Variants in NEFH observed in about 807,000 individuals in gnomAD.
The protein encoded by NEFH is neurofilament heavy chain.
Under a neutral mutation model 56.6 loss-of-function variants are expected in NEFH, and 58 were observed. The ratio of observed to expected loss-of-function variants is 1.03; its 90% CI spans 0.83 to 1.28. The LOEUF (loss-of-function observed/expected upper bound fraction) is 1.28. NEFH is among the 50% of genes most tolerant of loss of function. NEFH has a pLI of 0.00. For missense variants in NEFH, 1,221 were observed against 1,307.6 expected (o/e 0.93, Z 1.02); for synonymous variants, 542 against 545.8 (o/e 0.99, Z 0.10).
Position 29,489,986 on chromosome 22 carries a change from T to A in NEFH, c.2346T>A (p.Pro782=). 6.2e-7 allele frequency: 1 copy of A among 1,612,782 alleles called. No individual in the cohort carries two copies. Among genetic ancestry groups the A allele is most frequent in the South Asian group, 1.1e-5 (1 of 91,004 alleles). ...EEARSPADKF[P]EKAKSPVKEE... ...CAAGGTCCCCTGCAGACAAATTCCC[T>A]GAAAAGGCCAAAAGCCCTGTCAAGG... Residue 782 remains proline, a synonymous_variant, in exon 4 of 4, where the codon CCT becomes CCA. Transcript: ENST00000310624.
Position 29,489,153 on chromosome 22 carries a change from C to T in NEFH, c.1513C>T (p.Pro505Ser). The T allele has an allele frequency of 6.2e-7, 1 of 1,613,696 alleles. No individual in the cohort carries two copies. The highest frequency in any genetic ancestry group is 8.5e-7 in the Non-Finnish European group (1 of 1,179,884). The change falls in exon 4 of 4, where the codon CCA becomes TCA. Residue 505 changes from proline to serine, a missense_variant. Transcript: ENST00000310624. ...EGGEEETKSP[P>S]AEEAASPEKE... ...GGGAGAAGAAGAAACAAAGTCTCCC[C>T]CAGCAGAAGAGGCTGCATCCCCAGA... is the stretch of plus-strand genomic sequence containing the variant.
Position 29,480,560 on chromosome 22 carries a change from C to A in NEFH, c.298C>A (p.Gln100Lys). ...AVATSRSEKEQLQALNDRFAG... is the reference protein window; with the variant it reads ...AVATSRSEKEKLQALNDRFAG... Reference sequence around the variant, plus strand: ...GGCCACCTCACGCAGTGAGAAGGAGCAGCTGCAGGCGCTGAACGACCGCTT... The same window carrying A: ...GGCCACCTCACGCAGTGAGAAGGAGAAGCTGCAGGCGCTGAACGACCGCTT... Residue 100 changes from glutamine to lysine, a missense_variant, in exon 1 of 4, where the codon CAG becomes AAG. Around this residue, in one of 4 missense-constraint regions of NEFH, gnomAD observed 640 missense variants for 555.5 expected, o/e 1.15. Coordinates refer to ENST00000310624, the MANE Select transcript of NEFH (RefSeq NM_021076.4). The A allele has an allele frequency of 6.5e-7, 1 of 1,542,830 alleles. No individual in the cohort carries two copies. The highest frequency in any genetic ancestry group is 8.7e-7 in the Non-Finnish European group (1 of 1,151,404).
Position 29,480,893 on chromosome 22 carries a change from G to A in NEFH, c.631G>A (p.Ala211Thr). ...GGCGCGCTTCGCGCAGGAGGCCGAG[G>A]CGGCGCGCGTGGACCTGCAGAAGAA... ...ALARFAQEAE[A>T]ARVDLQKKAQ... is the part of the protein sequence containing the mutation. The change falls in exon 1 of 4, where the codon GCG (alanine) becomes ACG (threonine). Residue 211 changes from alanine to threonine, a missense_variant. Physicochemically the swap from Ala to Thr is moderately conservative, Grantham distance 58. Around this residue, in one of 4 missense-constraint regions of NEFH, gnomAD observed 640 missense variants for 555.5 expected, o/e 1.15. Coordinates refer to ENST00000310624, the MANE Select transcript of NEFH (RefSeq NM_021076.4). 6.9e-7 allele frequency: 1 copy of A among 1,459,388 alleles called. No individual in the cohort carries two copies. The highest frequency in any genetic ancestry group is 8.9e-7 in the Non-Finnish European group (1 of 1,117,372). 90.4% of individuals were successfully genotyped at this position (1,459,388 alleles called of 1,614,324 possible).
intron 3 of NEFH, among the ~76,000 whole-genome samples, chr22:29,486,500 T>A (rs752352485): frequency 9.2e-4 from 140 of 151,542 alleles, no homozygotes; most frequent in Middle Eastern, 3.5e-3. Context: ...GCCACTCTTT[T>A]ACTCTGAGAG....
rs748726958 is a variant in NEFH at position 29,483,564 on chromosome 22, C to T, written c.1073C>T (p.Ala358Val). Residue 358 changes from alanine (A) to valine (V), a missense_variant, in exon 2 of 4, where the codon GCC becomes GTC. By Grantham distance (64) the Ala-to-Val change is moderately conservative. This residue lies in a region of NEFH where 640 missense variants were observed against 555.5 expected (regional missense o/e 1.15). Transcript: ENST00000310624. ...GAGGACCGTCATCAGGCCGACATTG[C>T]CTCCTACCAGGTGGGCAGGGGCAAG... Reference protein sequence around the residue: ...ELEDRHQADIASYQEAIQQLD... With the variant: ...ELEDRHQADIVSYQEAIQQLD... The T allele has an allele frequency of 2.5e-6, 4 of 1,613,548 alleles. No homozygotes were observed. The highest frequency in any genetic ancestry group is 3.4e-6 in the Non-Finnish European group (4 of 1,180,000).
At chr22:29,482,869 T>C (rs989569646) in intron 1 of NEFH, among the ~76,000 whole-genome samples, 1 of 152,204 alleles carries the variant, frequency 6.6e-6, no homozygotes, top group African/African-American at 2.4e-5. Context: ...TGCCACTCAC[T>C]AGCTGGGTGG....
intron 1 of NEFH, 83 bp from the exon 2 acceptor site, chr22:29,483,288 AAAAG>A (rs1434736200): frequency 4.7e-5 from 62 of 1,312,340 alleles, no homozygotes; most frequent in Admixed American, 1.3e-4. Context: ...AAAAAAAAAA[AAAAG>A]AAAAAGAACA....
chr22:29,490,658 G>A lies in NEFH; in HGVS notation c.3018G>A (p.Lys1006=), dbSNP rs373324564. ...KSSSTDQKDS[K]PPEKATEDKA... is the part of the protein sequence containing the mutation. ...CCAGCACAGACCAAAAAGACAGCAA[G>A]CCTCCAGAGAAGGCCACAGAAGACA... Residue 1006 remains lysine, a synonymous_variant, in exon 4 of 4, where the codon AAG becomes AAA. Transcript: ENST00000310624. The A allele has an allele frequency of 6.2e-6, 10 of 1,613,996 alleles. No individual in the cohort carries two copies. The highest frequency in any genetic ancestry group is 8.5e-6 in the Non-Finnish European group (10 of 1,180,040).
chr22:29,491,121 TTC>T lies in NEFH; in HGVS notation c.*420_*421del, dbSNP rs1490643558. On this transcript the variant is annotated 3_prime_UTR_variant, in exon 4 of 4. Coordinates refer to ENST00000310624, the MANE Select transcript of NEFH (RefSeq NM_021076.4). ...ATGTCTTAACCTATTCCCAAATGCC[TTC>T]TGTTTTCCAAAGGAGTGGTCAAGCC... 7 of 332,644 alleles carry T rather than the reference TTC, an allele frequency of 2.1e-5. No homozygotes were observed. The highest frequency in any genetic ancestry group is 3.5e-5 in the Non-Finnish European group (6 of 172,768). 20.6% of individuals were successfully genotyped at this position (332,644 alleles called of 1,614,324 possible).
chr22:29,480,652 G>C lies in NEFH; in HGVS notation c.390G>C (p.Ala130=). 1.3e-6 allele frequency: 2 copies of C among 1,556,452 alleles called. No homozygotes were observed. The highest frequency in any genetic ancestry group is 1.7e-6 in the Non-Finnish European group (2 of 1,160,272). ...ACCGCAGCCTGGAGGGCGAGGCTGCGGCGCTGCGGCAGCAGCAGGCGGGCC... is the reference window on the plus strand; with the variant it reads ...ACCGCAGCCTGGAGGGCGAGGCTGCCGCGCTGCGGCAGCAGCAGGCGGGCC... ...AHNRSLEGEA[A]ALRQQQAGRS... The change falls in exon 1 of 4, where the codon GCG becomes GCC. Residue 130 remains alanine, a synonymous_variant. Coordinates refer to ENST00000310624, the MANE Select transcript of NEFH (RefSeq NM_021076.4).
rs768408953 is a variant in NEFH at position 29,489,009 on chromosome 22, G to T, written c.1369G>T (p.Val457Leu). ...VEKSEKETVIVEEQTEETQVT... is the reference protein window; with the variant it reads ...VEKSEKETVILEEQTEETQVT... Reference sequence around the variant, plus strand: ...GAAGTCTGAGAAAGAAACTGTGATTGTGGAGGAACAGACAGAGGAGACCCA... The same window carrying T: ...GAAGTCTGAGAAAGAAACTGTGATTTTGGAGGAACAGACAGAGGAGACCCA... The change falls in exon 4 of 4, where the codon GTG becomes TTG. Residue 457 changes from valine to leucine, a missense_variant. By Grantham distance (32) the Val-to-Leu change is conservative. This residue lies in a region of NEFH where 243 missense variants were observed against 299.1 expected (regional missense o/e 0.81). Coordinates refer to ENST00000310624, the MANE Select transcript of NEFH (RefSeq NM_021076.4). 1 of 1,614,232 alleles carries T rather than the reference G, an allele frequency of 6.2e-7. No homozygotes were observed. Among genetic ancestry groups the T allele is most frequent in the Admixed American group, 1.7e-5 (1 of 60,028 alleles).
rs1336235367 is a variant in NEFH, at chr22:29,483,423, T to C, written c.932T>C (p.Met311Thr). The C allele has an allele frequency of 4.2e-5, 67 of 1,613,830 alleles. No individual in the cohort carries two copies. The highest frequency in any genetic ancestry group is 5.5e-5 in the Non-Finnish European group (65 of 1,180,046). Residue 311 changes from methionine (M) to threonine (T), a missense_variant, in exon 2 of 4, where the codon ATG becomes ACG. Met to Thr is a moderately conservative substitution (Grantham distance 81). This residue lies in a region of NEFH where 640 missense variants were observed against 555.5 expected (regional missense o/e 1.15). Transcript: ENST00000310624. ...SEAAKVNTDA[M>T]RSAQEEITEY... is the part of the protein sequence containing the mutation. Reference sequence around the variant, plus strand: ...GCAGCCAAGGTGAACACAGACGCTATGCGCTCAGCGCAGGAGGAGATAACT... The same window carrying C: ...GCAGCCAAGGTGAACACAGACGCTACGCGCTCAGCGCAGGAGGAGATAACT...
chr22:29,480,582 G>T lies in NEFH; in HGVS notation c.320G>T (p.Arg107Leu). The T allele has an allele frequency of 6.4e-7, 1 of 1,555,222 alleles. No homozygotes were observed. The highest frequency in any genetic ancestry group is 2.3e-5 in the East Asian group (1 of 42,740). Residue 107 changes from arginine (R) to leucine (L), a missense_variant, in exon 1 of 4, where the codon CGC becomes CTC. By Grantham distance (102) the Arg-to-Leu change is moderately radical. Transcript: ENST00000310624. ...GAGCAGCTGCAGGCGCTGAACGACC[G>T]CTTCGCCGGGTACATCGACAAGGTG... is the stretch of plus-strand genomic sequence containing the variant. ...EKEQLQALNDRFAGYIDKVRQ... is the reference protein window; with the variant it reads ...EKEQLQALNDLFAGYIDKVRQ...
At chr22:29,481,239 G>C in intron 1 of NEFH, 94 bp downstream of exon 1, 8 of 1,229,320 alleles carry the variant, frequency 6.5e-6, no homozygotes, top group African/African-American at 1.5e-5. Context: ...GCCGGACTGC[G>C]CGTGGAGTGG....
rs767241165 is a variant in NEFH at position 29,489,951 on chromosome 22, A to G, written c.2311A>G (p.Lys771Glu). The change falls in exon 4 of 4, where the codon AAG becomes GAG. Residue 771 changes from lysine (K) to glutamate (E), a missense_variant. This residue lies in a region of NEFH where 301 missense variants were observed against 346.6 expected (regional missense o/e 0.87). Coordinates refer to ENST00000310624, the MANE Select transcript of NEFH (RefSeq NM_021076.4). The stretch of plus-strand genomic sequence containing the variant: ...GTCTCCAGAAGCCAAGACTCCAGCG[A>G]AGGAGGAAGCAAGGTCCCCTGCAGA... ...VKSPEAKTPAKEEARSPADKF... is the reference protein window; with the variant it reads ...VKSPEAKTPAEEEARSPADKF... 18 of 1,613,900 alleles carry G rather than the reference A, an allele frequency of 1.1e-5. No individual in the cohort carries two copies. Among genetic ancestry groups the G allele is most frequent in the Non-Finnish European group, 1.4e-5 (17 of 1,179,992 alleles).
rs1345244309 is a variant in NEFH at position 29,491,194 on chromosome 22, G to A, written c.*491G>A. On this transcript the variant is annotated 3_prime_UTR_variant, in exon 4 of 4. Coordinates refer to ENST00000310624, the MANE Select transcript of NEFH (RefSeq NM_021076.4). ...CTGGAAGAGCGGTCCAGGTGGGGCC[G>A]GGGACTGGCCACTGAATTATGCCAG... 2.0e-5 allele frequency: 5 copies of A among 244,536 alleles called. No individual in the cohort carries two copies. Among genetic ancestry groups the A allele is most frequent in the Admixed American group, 1.0e-4 (2 of 19,268 alleles). 15.1% of individuals were successfully genotyped at this position (244,536 alleles called of 1,614,324 possible).
chr22:29,482,472 G>C (rs1488699746), intron 1 of NEFH, among the ~76,000 whole-genome samples: 1 of 152,240 alleles, frequency 6.6e-6, no homozygotes, highest in Non-Finnish European at 1.5e-5. Context: ...CCGGGGTGTG[G>C]CTACCAATGC....
rs776452861 is a variant in NEFH, at chr22:29,489,190, A to C, written c.1550A>C (p.Lys517Thr). Reference sequence around the variant, plus strand: ...GCTGCATCCCCAGAGAAGGAAGCCAAGTCACCAGTAAAGGAAGAGGCAAAG... The same window carrying C: ...GCTGCATCCCCAGAGAAGGAAGCCACGTCACCAGTAAAGGAAGAGGCAAAG... ...EEAASPEKEA[K>T]SPVKEEAKSP... The change falls in exon 4 of 4, where the codon AAG becomes ACG. Residue 517 changes from lysine to threonine, a missense_variant. Lys to Thr is a moderately conservative substitution (Grantham distance 78). Coordinates refer to ENST00000310624, the MANE Select transcript of NEFH (RefSeq NM_021076.4). The C allele has an allele frequency of 1.9e-6, 3 of 1,614,144 alleles. No individual in the cohort carries two copies. The Admixed American group carries it at 5.0e-5, about 27-fold the overall frequency.
intron 2 of NEFH, among the ~76,000 whole-genome samples, chr22:29,484,814 AG>A (rs1350703762): frequency 6.6e-6 from 1 of 150,426 alleles, no homozygotes; most frequent in Non-Finnish European, 1.5e-5. Flanking sequence ...AAAGCAGGCA[AG>A]GCCCTGCTCC....
Sources: allele counts gnomAD v4.1 joint callset (sites outside exome capture counted in the v4.1 genomes callset), GRCh38; gene constraint gnomAD v4.1.1; regional missense constraint gnomAD v4.1.1; transcripts MANE v1.5; gene names NCBI Gene and HGNC (gene_info 2026-07-23, HGNC 2026-07-21).